Variants in PCDHA2 observed in about 807,000 individuals in gnomAD.
PCDHA2 encodes protocadherin alpha-2.
PCDHA2 carries 58 observed loss-of-function variants against 66.0 expected under a neutral mutation model. That is an observed-to-expected ratio of 0.88 (90% CI 0.71 to 1.09). The LOEUF is 1.09. Among genes scored for constraint, PCDHA2 ranks in the 50% least tolerant of loss-of-function variants. The pLI, the probability that PCDHA2 is intolerant of heterozygous loss-of-function variation, is 0.00. For missense variants in PCDHA2, 1,267 were observed against 1,242.3 expected (o/e 1.02, Z -0.30); for synonymous variants, 634 against 554.0 (o/e 1.14, Z -2.03).
intron 1 of PCDHA2, chr5:140,876,731 C>T (rs782483829): frequency 1.7e-5 from 27 of 1,614,124 alleles, no homozygotes; most frequent in Non-Finnish European, 1.9e-5. Context: ...AGCGTGTCGG[C>T]CTATGAGCTG....
In PCDHA2 at chr5:140,875,735, C is replaced by A. The variant is rs376701509; in HGVS notation, c.2388+78383C>A. The stretch of plus-strand genomic sequence containing the variant: ...CAGAATGGCATTTTGTTTGTGAATT[C>A]TCGGATCGACCGCGAGAAGCTGTGC... On this transcript the variant is annotated intron_variant, in intron 1 of 3. Coordinates refer to ENST00000526136, the MANE Select transcript of PCDHA2 (RefSeq NM_018905.3). 16 of 1,614,114 alleles carry A rather than the reference C, an allele frequency of 9.9e-6. No homozygotes were observed. In the Middle Eastern group the frequency reaches 4.9e-4, roughly 50 times the overall value.
chr5:140,966,529 G>C (rs1382443921), intron 1 of PCDHA2: 5 of 446,974 alleles, frequency 1.1e-5, no homozygotes, highest in Non-Finnish European at 1.9e-5. Flanking sequence ...GCCGAGCCGG[G>C]TTGAGCGACT....
chr5:140,882,583 C>A, intron 1 of PCDHA2: 1 of 1,614,232 alleles, frequency 6.2e-7, no homozygotes, highest in Non-Finnish European at 8.5e-7. Flanking sequence ...GCAGCATCCA[C>A]CTGGAGGTGA....
At position 140,835,886 on chromosome 5, in the gene PCDHA2, G is replaced by T. The variant is rs1183512745; in HGVS notation, c.2388+38534G>T. On this transcript the variant is annotated intron_variant, in intron 1 of 3. Coordinates refer to ENST00000526136, the MANE Select transcript of PCDHA2 (RefSeq NM_018905.3). Reference sequence around the variant, plus strand: ...CGCTGGTGGAGCTGCGGGTGGGCGAGCGCGCGCTGTCGAGCTACGTGTCAG... The same window carrying T: ...CGCTGGTGGAGCTGCGGGTGGGCGATCGCGCGCTGTCGAGCTACGTGTCAG... 1 of 1,611,834 alleles carries T rather than the reference G, an allele frequency of 6.2e-7. No homozygotes were observed. Among genetic ancestry groups the T allele is most frequent in the Admixed American group, 1.7e-5 (1 of 59,978 alleles).
At chr5:141,001,452 A>G (rs2098018922) in intron 3 of PCDHA2, among the ~76,000 whole-genome samples, 1 of 152,196 alleles carries the variant, frequency 6.6e-6, no homozygotes, top group Admixed American at 6.5e-5. Context: ...TCCACTGTCA[A>G]TTGAAGGACT....
At chr5:140,974,377 A>G (rs1356669539) in intron 1 of PCDHA2, among the ~76,000 whole-genome samples, 1 of 152,190 alleles carries the variant, frequency 6.6e-6, no homozygotes, top group Non-Finnish European at 1.5e-5. Flanking sequence ...TTTCTGTTGT[A>G]CTGGAACCCA....
chr5:140,879,051 T>A (rs1446827922), intron 1 of PCDHA2, among the ~76,000 whole-genome samples: 1 of 152,166 alleles, frequency 6.6e-6, no homozygotes, highest in Non-Finnish European at 1.5e-5. Flanking sequence ...ATAGACAACA[T>A]TTTACCAAGA....
Position 140,861,683 on chromosome 5 carries a change from C to G in PCDHA2, c.2388+64331C>G, listed in dbSNP as rs1386318519. ...GAGAGCTCTTGATTATCGTGTTTCA[C>G]TAGAGGGTGTCTGTGATGCCGACGT... On this transcript the variant is annotated intron_variant, in intron 1 of 3. Coordinates refer to ENST00000526136, the MANE Select transcript of PCDHA2 (RefSeq NM_018905.3). 2.1e-5 allele frequency: 5 copies of G among 233,410 alleles called. No homozygotes were observed. The East Asian group carries it at 3.6e-4, about 17-fold the overall frequency. 14.5% of individuals were successfully genotyped at this position (233,410 alleles called of 1,614,324 possible).
At chr5:140,917,739 T>C (rs1554198287) in intron 1 of PCDHA2, among the ~76,000 whole-genome samples, 1 of 152,222 alleles carries the variant, frequency 6.6e-6, no homozygotes, top group African/African-American at 2.4e-5. Flanking sequence ...CTCTAACCTG[T>C]CCCATTGGTC....
rs147028446 is a variant in PCDHA2 at position 140,830,275 on chromosome 5, C to G, written c.2388+32923C>G. 962 of 1,613,698 alleles carry G rather than the reference C, an allele frequency of 6.0e-4. 1 individual carries two copies. The highest frequency in any genetic ancestry group is 7.3e-4 in the Non-Finnish European group (864 of 1,179,866). ...CGCTGCGGTGCTCGGCGCCACCCAC[C>G]GAGGGCGCGTGCACGGCGGACAAGC... On this transcript the variant is annotated intron_variant, in intron 1 of 3. Transcript: ENST00000526136.
chr5:140,920,773 G>A (rs374394320), intron 1 of PCDHA2, among the ~76,000 whole-genome samples: 41 of 151,942 alleles, frequency 2.7e-4, no homozygotes, highest in African/African-American at 9.2e-4. Flanking sequence ...ACACCTGGGA[G>A]GTGGAGGTTG....
intron 1 of PCDHA2, among the ~76,000 whole-genome samples, chr5:140,896,733 C>T (rs920661983): frequency 2.0e-5 from 3 of 151,970 alleles, no homozygotes; most frequent in Non-Finnish European, 2.9e-5. Flanking sequence ...TGTTTAAGTT[C>T]CTTATAGATT....
rs140949600 is a variant in PCDHA2, at chr5:140,848,602, C to G, written c.2388+51250C>G. Reference sequence around the variant, plus strand: ...AGCGGCCAGCTCCACTACTCCGTCCCGGAGGAAGCCGAACACGGCACCTTC... The same window carrying G: ...AGCGGCCAGCTCCACTACTCCGTCCGGGAGGAAGCCGAACACGGCACCTTC... On this transcript the variant is annotated intron_variant, in intron 1 of 3. Transcript: ENST00000526136. 8.2e-6 allele frequency: 13 copies of G among 1,593,476 alleles called. 1 individual carries two copies. In the South Asian group the frequency reaches 1.1e-4, roughly 14 times the overall value.
intron 3 of PCDHA2, among the ~76,000 whole-genome samples, chr5:141,000,385 C>A (rs868983393): frequency 3.1e-5 from 2 of 64,984 alleles, no homozygotes; most frequent in South Asian, 5.2e-4. Flanking sequence ...CTCTCTCTCT[C>A]TCTCTCTCTC....
intron 1 of PCDHA2, among the ~76,000 whole-genome samples, chr5:140,913,140 G>T (rs1562991745): frequency 6.6e-6 from 1 of 152,068 alleles, no homozygotes; most frequent in African/African-American, 2.4e-5. Context: ...CTACTTTTTG[G>T]AATAGTTTGA....
intron 1 of PCDHA2, chr5:140,927,063 C>T: frequency 6.2e-7 from 1 of 1,611,332 alleles, no homozygotes; most frequent in Non-Finnish European, 8.5e-7. Flanking sequence ...ACTTTCGCTT[C>T]CTTTCCAGCC....
intron 1 of PCDHA2, chr5:140,927,197 A>G: frequency 6.2e-7 from 1 of 1,614,150 alleles, no homozygotes; most frequent in African/African-American, 1.3e-5. Flanking sequence ...CTGGTGCTCG[A>G]GGACCCGCTG....
chr5:140,809,331 T>G lies in PCDHA2; in HGVS notation c.2388+11979T>G, dbSNP rs1185037292. On this transcript the variant is annotated intron_variant, in intron 1 of 3. Coordinates refer to ENST00000526136, the MANE Select transcript of PCDHA2 (RefSeq NM_018905.3). Reference sequence around the variant, plus strand: ...GTGTCCAGCCTTTTGGTGCTCACGCTGCTGCTGTACACCGCGCTGCGGTGC... The same window carrying G: ...GTGTCCAGCCTTTTGGTGCTCACGCGGCTGCTGTACACCGCGCTGCGGTGC... The G allele has an allele frequency of 6.2e-7, 1 of 1,614,088 alleles. No individual in the cohort carries two copies. The highest frequency in any genetic ancestry group is 1.7e-5 in the Admixed American group (1 of 60,032).
chr5:140,807,787 A>T, intron 1 of PCDHA2: 1 of 1,614,148 alleles, frequency 6.2e-7, no homozygotes, highest in South Asian at 1.1e-5. Context: ...GGAAATCTTT[A>T]GACAGAGAAG....
Sources: allele counts gnomAD v4.1 joint callset (sites outside exome capture counted in the v4.1 genomes callset), GRCh38; gene constraint gnomAD v4.1.1; transcripts MANE v1.5; gene names NCBI Gene and HGNC (gene_info 2026-07-23, HGNC 2026-07-21).